CELF2: variants seen among roughly 807,000 people sequenced by gnomAD.
CELF2 encodes the protein CUG triplet repeat RNA-binding protein 2.
In CELF2, 8 loss-of-function variants were observed where a neutral mutation model predicts 62.6. That is an observed-to-expected ratio of 0.13 (90% confidence interval 0.07 to 0.23). The LOEUF is 0.23. CELF2 is among the 10% of genes least tolerant of loss of function. The probability of loss-of-function intolerance (pLI) is 1.00; values close to 1 mark genes in which losing one functional copy is unlikely to be tolerated. For missense variants in CELF2, 333 were observed against 671.0 expected (o/e 0.50, Z 5.56); for synonymous variants, 258 against 250.0 (o/e 1.03, Z -0.30).
the CELF2 span, among the ~76,000 whole-genome samples, chr10:10,491,511 T>G: frequency 5.6e-4 from 86 of 152,302 alleles, no homozygotes; most frequent in Admixed American, 2.8e-3. Context: ...TAAATATGGG[T>G]GGCTCCTGGA....
intron 1 of CELF2, among the ~76,000 whole-genome samples, chr10:11,119,559 A>G (rs1489125160): frequency 2.0e-5 from 3 of 152,240 alleles, no homozygotes; most frequent in Non-Finnish European, 4.4e-5. Context: ...CAGAAATGTC[A>G]TGTTTGTACT....
the CELF2 span, among the ~76,000 whole-genome samples, chr10:10,498,733 C>T: frequency 2.0e-5 from 3 of 152,140 alleles, no homozygotes; most frequent in Admixed American, 1.3e-4. Context: ...TGCATTAAAT[C>T]CACGGAAAAT....
At chr10:10,560,616 C>T in the CELF2 span, among the ~76,000 whole-genome samples, 39 of 152,094 alleles carry the variant, frequency 2.6e-4, no homozygotes, top group Non-Finnish European at 3.8e-4. Context: ...ATGGAGATTC[C>T]TTAAAGAAAT....
At chr10:10,803,051 C>A (rs756760149) in intron 1 of CELF2, among the ~76,000 whole-genome samples, 3 of 152,170 alleles carry the variant, frequency 2.0e-5, no homozygotes, top group Admixed American at 6.5e-5. Context: ...CTATTGCCAG[C>A]TCCTACTGAG....
At chr10:10,677,209 C>T in the CELF2 span, among the ~76,000 whole-genome samples, 13 of 152,168 alleles carry the variant, frequency 8.5e-5, no homozygotes, top group Non-Finnish European at 1.6e-4. Flanking sequence ...ACATCATTTA[C>T]ATAGAAACCA....
the CELF2 span, among the ~76,000 whole-genome samples, chr10:10,527,251 G>A: frequency 1.1e-4 from 16 of 152,120 alleles, no homozygotes. Flanking sequence ...AAACCAGCCT[G>A]GCCAACATGA....
intron 1 of CELF2, among the ~76,000 whole-genome samples, chr10:10,858,466 G>A (rs1177668907): frequency 6.6e-6 from 1 of 152,082 alleles, no homozygotes; most frequent in African/African-American, 2.4e-5. Flanking sequence ...AGAATGTGTG[G>A]CCATTTGTAA....
the CELF2 span, among the ~76,000 whole-genome samples, chr10:10,695,645 A>T: frequency 4.6e-5 from 7 of 152,076 alleles, no homozygotes; most frequent in African/African-American, 7.2e-5. Context: ...CAGGTACACC[A>T]ATCAGACGTA....
At chr10:11,245,145 GA>G (rs1316421794) in intron 3 of CELF2, among the ~76,000 whole-genome samples, 12 of 152,172 alleles carry the variant, frequency 7.9e-5, no homozygotes, top group African/African-American at 2.9e-4. Flanking sequence ...CTGTTACAGG[GA>G]AAGAATTCTT....
In CELF2 at chr10:11,309,127, T is replaced by TA. The variant is rs2094433362; in HGVS notation, c.977-5011dup. Among the ~76,000 whole-genome samples, 3 of 152,342 alleles carry TA rather than the reference T, an allele frequency of 2.0e-5. No individual in the cohort carries two copies. The South Asian group carries it at 6.2e-4, about 32-fold the overall frequency. ...ACCAAGTCTAACATCTGGGCCCTCT[T>TA]ACGCACAGTTTCTGTTGTCTGCTGT... On this transcript the variant is annotated intron_variant, in intron 9 of 12. Transcript: ENST00000633077. This position sits in a 1 kb window ranked among gnomAD's most constrained non-coding sequence, Gnocchi z 5.6.
chr10:10,586,498 C>A, the CELF2 span, among the ~76,000 whole-genome samples: 4 of 152,108 alleles, frequency 2.6e-5, no homozygotes, highest in Non-Finnish European at 4.4e-5. Flanking sequence ...ATGTCATTTA[C>A]AAATTAAAAA....
At chr10:11,101,419 G>C (rs917215087) in intron 1 of CELF2, among the ~76,000 whole-genome samples, 20 of 152,192 alleles carry the variant, frequency 1.3e-4, no homozygotes, top group Non-Finnish European at 2.9e-5. Flanking sequence ...TGATTCCTGA[G>C]CTAGGTAGAG....
chr10:11,260,534 C>T lies in CELF2; in HGVS notation c.538+2662C>T, dbSNP rs981959775. Among the ~76,000 whole-genome samples the T allele has an allele frequency of 6.6e-6, 1 of 152,200 alleles. No individual in the cohort carries two copies. Among genetic ancestry groups the T allele is most frequent in the East Asian group, 1.9e-4 (1 of 5,200 alleles). ...ATCTGCCATTTGGTTGATTAACCAG[C>T]ACTTGACACCAGAAGCAGCCTGTTC... On this transcript the variant is annotated intron_variant, in intron 5 of 12. Transcript: ENST00000633077. The surrounding 1 kb of genome is among the most constrained non-coding windows in gnomAD (Gnocchi z 4.2).
At chr10:11,273,085 T>C (rs561407659) in intron 7 of CELF2, among the ~76,000 whole-genome samples, 2 of 152,232 alleles carry the variant, frequency 1.3e-5, no homozygotes, top group East Asian at 3.9e-4. Context: ...AGAGTATGTG[T>C]GTGGGCAGGG....
At chr10:10,621,633 A>T in the CELF2 span, among the ~76,000 whole-genome samples, 2 of 152,178 alleles carry the variant, frequency 1.3e-5, no homozygotes, top group African/African-American at 4.8e-5. Flanking sequence ...AGGAAACAGG[A>T]ATTATTGTTA....
chr10:10,513,533 A>G, the CELF2 span, among the ~76,000 whole-genome samples: 1 of 152,212 alleles, frequency 6.6e-6, no homozygotes, highest in Non-Finnish European at 1.5e-5. Context: ...AAAAAATGAC[A>G]TAAACACCAA....
At chr10:11,173,640 G>A (rs1251674517) in intron 2 of CELF2, among the ~76,000 whole-genome samples, 2 of 152,186 alleles carry the variant, frequency 1.3e-5, no homozygotes, top group East Asian at 3.9e-4. Flanking sequence ...TTCATCCTTG[G>A]ACATACAGCC....
chr10:11,289,594 GT>G (rs1281164409), intron 9 of CELF2, among the ~76,000 whole-genome samples: 2 of 152,226 alleles, frequency 1.3e-5, no homozygotes, highest in African/African-American at 2.4e-5. Context: ...TCTGAGAGAT[GT>G]TTAGGAGAAG....
At chr10:10,737,265 T>A in the CELF2 span, among the ~76,000 whole-genome samples, 1 of 152,182 alleles carries the variant, frequency 6.6e-6, no homozygotes, top group Non-Finnish European at 1.5e-5. Context: ...TTTGAAAAGC[T>A]ATGAAGATTT....
Sources: gnomAD v4.1 joint callset for allele counts (sites outside exome capture counted in the v4.1 genomes callset) on GRCh38, gnomAD v4.1.1 for gene constraint, Gnocchi (gnomAD v3.1) non-coding constraint, MANE v1.5 for transcripts, NCBI Gene and HGNC (gene_info 2026-07-23, HGNC 2026-07-21) for gene names.